The following ABCC12 variants were observed in gnomAD, a reference collection of about 807,000 sequenced individuals.
ABCC12 encodes ATP binding cassette subfamily C member 12.
Under a neutral mutation model 151.1 loss-of-function variants are expected in ABCC12, and 142 were observed. The ratio of observed to expected loss-of-function variants is 0.94; its 90% CI spans 0.82 to 1.08. The LOEUF (loss-of-function observed/expected upper bound fraction) is 1.08, where lower values mean the gene tolerates loss of function less well. Among genes scored for constraint, ABCC12 ranks in the 50% least tolerant of loss-of-function variants. ABCC12 has a pLI of 0.00. For synonymous variants in ABCC12, 645 were observed against 646.4 expected (o/e 1.00, Z 0.03); for missense variants, 1,638 against 1,691.1 (o/e 0.97, Z 0.55).
At position 48,088,043 on chromosome 16, in the gene ABCC12, G is replaced by A; in HGVS notation, c.3518C>T (p.Pro1173Leu). 1 of 1,614,222 alleles carries A rather than the reference G, an allele frequency of 6.2e-7. No individual in the cohort carries two copies. Among genetic ancestry groups the A allele is most frequent in the Non-Finnish European group, 8.5e-7 (1 of 1,180,034 alleles). Residue 1173 changes from proline to leucine, a missense_variant, in exon 27 of 31, where the codon CCA becomes CTA. Coordinates refer to ENST00000311303, the MANE Select transcript of ABCC12 (RefSeq NM_001393797.1). ...LGMALFRLVE[P>L]ASGTIFIDEV... ...ATCAATAAAGATTGTGCCACTGGCT[G>A]GCTCCACCAGACGAAACAAAGCCAT...
chr16:48,115,291 C>T (rs549900722), intron 15 of ABCC12, 124 bp downstream of exon 15: 3 of 1,169,676 alleles, frequency 2.6e-6, no homozygotes, highest in Admixed American at 2.1e-5. Flanking sequence ...TCTTGCATCC[C>T]TGGCTCCCTC....
At chr16:48,143,880 T>G in intron 4 of ABCC12, 30 bp downstream of exon 4, 1 of 1,605,546 alleles carries the variant, frequency 6.2e-7, no homozygotes, top group Non-Finnish European at 8.5e-7. Flanking sequence ...GAAAATGGAC[T>G]AATACAGTGA....
intron 2 of ABCC12, among the ~76,000 whole-genome samples, chr16:48,150,939 A>G (rs1383589493): frequency 6.6e-6 from 1 of 152,200 alleles, no homozygotes; most frequent in African/African-American, 2.4e-5. Context: ...TCTAAAACTG[A>G]GAAGCCTGGC....
At chr16:48,094,633 C>T (rs996722582) in intron 24 of ABCC12, among the ~76,000 whole-genome samples, 7 of 152,178 alleles carry the variant, frequency 4.6e-5, no homozygotes, top group African/African-American at 1.7e-4. Context: ...AGCACACATG[C>T]ACATGGACAC....
chr16:48,138,135 T>G, intron 8 of ABCC12, 93 bp downstream of exon 8: 1 of 1,405,086 alleles, frequency 7.1e-7, no homozygotes, highest in Non-Finnish European at 9.5e-7. Flanking sequence ...TCAGCCTCCT[T>G]CTGGAATGCC....
Position 48,085,682 on chromosome 16 carries a change from G to A in ABCC12, c.3739C>T (p.Gln1247Ter). Residue 1247 changes from glutamine (Q) to a stop codon, truncating the protein, a stop_gained, in exon 29 of 31, where the codon CAG becomes TAG. Transcript: ENST00000311303. LOFTEE classifies it high-confidence loss of function. Reference sequence around the variant, plus strand: ...TCTCCATTTTCTGTGACTTCTGCCTGTAATTTTTCTGGGAGTTTCATTATC... The same window carrying A: ...TCTCCATTTTCTGTGACTTCTGCCTATAATTTTTCTGGGAGTTTCATTATC... The part of the protein sequence containing the change: ...DTIMKLPEKL[Q>*]AEVTENGENF... 1 of 1,614,042 alleles carries A rather than the reference G, an allele frequency of 6.2e-7. No homozygotes were observed. Among genetic ancestry groups the A allele is most frequent in the South Asian group, 1.1e-5 (1 of 91,082 alleles).
At chr16:48,101,838 G>A (rs1415538464) in intron 22 of ABCC12, among the ~76,000 whole-genome samples, 2 of 152,138 alleles carry the variant, frequency 1.3e-5, no homozygotes, top group African/African-American at 4.8e-5. Context: ...ATACAGGAAT[G>A]ACAAAAAGGA....
chr16:48,087,100 G>A (rs1962646749), intron 27 of ABCC12: 2 of 361,108 alleles, frequency 5.5e-6, no homozygotes, highest in Non-Finnish European at 1.0e-5. Flanking sequence ...TGCTCAGAAA[G>A]ACACACCTGG....
chr16:48,112,523 A>T (rs959018643), intron 15 of ABCC12, among the ~76,000 whole-genome samples: 1 of 152,172 alleles, frequency 6.6e-6, no homozygotes, highest in Non-Finnish European at 1.5e-5. Context: ...TGAACTCAGG[A>T]GGTGGAGGTT....
In ABCC12 at chr16:48,104,209, C is replaced by G. The variant is rs1400079597; in HGVS notation, c.2833G>C (p.Ala945Pro). Residue 945 changes from alanine to proline, a missense_variant, in exon 22 of 31, where the codon GCT becomes CCT. Transcript: ENST00000311303. ...AAAAGGACAGCAGGAAACACAGCAG[C>G]CAAGATCACGAGAATAAACACCACC... ...FMVVFILVIL[A>P]AVFPAVLLVV... The G allele has an allele frequency of 6.2e-7, 1 of 1,614,214 alleles. No individual in the cohort carries two copies. Among genetic ancestry groups the G allele is most frequent in the South Asian group, 1.1e-5 (1 of 91,070 alleles).
intron 27 of ABCC12, chr16:48,087,076 A>C (rs1334907676): frequency 2.5e-6 from 1 of 402,084 alleles, no homozygotes. Context: ...GCCGAGAGGC[A>C]GCTCTGAGCA....
In ABCC12 at chr16:48,108,516, C is replaced by A. The variant is rs769469806; in HGVS notation, c.2295G>T (p.Gln765His). 6.2e-7 allele frequency: 1 copy of A among 1,614,080 alleles called. No individual in the cohort carries two copies. Among genetic ancestry groups the A allele is most frequent in the Non-Finnish European group, 8.5e-7 (1 of 1,180,014 alleles). ...EFVDTKVPEH[Q>H]LIQTESPQEG... ...CCTGGGGGGATTCAGTCTGGATGAG[C>A]TGGTGCTCAGGAACTGTGGAGACAA... Residue 765 changes from glutamine (Q) to histidine (H), a missense_variant, in exon 19 of 31, where the codon CAG becomes CAT. By Grantham distance (24) the Gln-to-His change is conservative. Coordinates refer to ENST00000311303, the MANE Select transcript of ABCC12 (RefSeq NM_001393797.1).
chr16:48,146,971 G>A (rs368834816), intron 2 of ABCC12, among the ~76,000 whole-genome samples: 6 of 151,086 alleles, frequency 4.0e-5, no homozygotes, highest in East Asian at 3.9e-4. Context: ...ACACACCCAC[G>A]CACACACATG....
intron 1 of ABCC12, among the ~76,000 whole-genome samples, chr16:48,154,965 G>C (rs1344530150): frequency 2.6e-5 from 4 of 152,228 alleles, no homozygotes; most frequent in Non-Finnish European, 5.9e-5. Flanking sequence ...TTCCTCCAGG[G>C]CCTGACTGGC....
At chr16:48,104,743 C>G (rs1963427411) in intron 21 of ABCC12, among the ~76,000 whole-genome samples, 2 of 152,202 alleles carry the variant, frequency 1.3e-5, no homozygotes, top group South Asian at 4.1e-4. Flanking sequence ...TGGGCCCCAC[C>G]CACATGCTCT....
chr16:48,136,744 A>C (rs1041188470), intron 8 of ABCC12, among the ~76,000 whole-genome samples: 3 of 152,164 alleles, frequency 2.0e-5, no homozygotes, highest in Non-Finnish European at 4.4e-5. Context: ...AAGTTACTGT[A>C]AACATCCAGC....
chr16:48,117,229 T>C (rs746502579), intron 14 of ABCC12, 32 bp downstream of exon 14: 2 of 1,601,438 alleles, frequency 1.2e-6, no homozygotes, highest in South Asian at 2.2e-5. Flanking sequence ...TGTGTGCAGC[T>C]ACAGTGGGCT....
chr16:48,123,064 T>C (rs571504505), intron 12 of ABCC12, among the ~76,000 whole-genome samples: 1 of 152,334 alleles, frequency 6.6e-6, no homozygotes. Context: ...ATCCCACCAC[T>C]GTCTCATGGG....
intron 8 of ABCC12, among the ~76,000 whole-genome samples, chr16:48,137,793 A>G (rs1471823386): frequency 6.6e-6 from 1 of 152,232 alleles, no homozygotes; most frequent in Non-Finnish European, 1.5e-5. Flanking sequence ...GTGTCTGCCC[A>G]AGGAGTGTTG....
Sources: gnomAD v4.1 joint callset for allele counts (sites outside exome capture counted in the v4.1 genomes callset) on GRCh38, gnomAD v4.1.1 for gene constraint, MANE v1.5 for transcripts, NCBI Gene and HGNC (gene_info 2026-07-23, HGNC 2026-07-21) for gene names.